The following HIBCH variants were observed in gnomAD, a reference collection of about 807,000 sequenced individuals.
HIBCH encodes 3-hydroxyisobutyryl-CoA hydrolase, also known as 3-hydroxyisobutyryl-CoA hydrolase, mitochondrial.
A neutral mutation model predicts 58.2 loss-of-function variants in HIBCH; 50 were observed. The observed-to-expected ratio is 0.86, with a 90% CI of 0.68 to 1.09. HIBCH has a LOEUF of 1.09. Ranked by LOEUF, HIBCH falls within the 50% of genes least tolerant of loss-of-function variation. The probability of loss-of-function intolerance (pLI) is 0.00; values close to 1 mark genes in which losing one functional copy is unlikely to be tolerated. For missense variants in HIBCH, 450 were observed against 449.7 expected (o/e 1.00, Z -0.01); for synonymous variants, 151 against 146.9 (o/e 1.03, Z -0.20).
At chr2:190,248,378 C>A (rs915215655) in intron 9 of HIBCH, among the ~76,000 whole-genome samples, 7 of 151,928 alleles carry the variant, frequency 4.6e-5, no homozygotes, top group African/African-American at 9.7e-5. Context: ...GGGTGGGATG[C>A]AGCGGTTCTG....
chr2:190,227,708 G>GA (rs779052031), intron 11 of HIBCH, among the ~76,000 whole-genome samples: 8 of 151,620 alleles, frequency 5.3e-5, no homozygotes, highest in East Asian at 1.9e-4. Flanking sequence ...AAATTTACAA[G>GA]AAAAAAAATC....
intron 2 of HIBCH, among the ~76,000 whole-genome samples, chr2:190,299,051 C>T (rs1205526884): frequency 6.6e-6 from 1 of 152,052 alleles, no homozygotes; most frequent in Admixed American, 6.6e-5. Flanking sequence ...GATGGCACCA[C>T]CATTCTTAAC....
In HIBCH at chr2:190,256,257, T is replaced by C. The variant is rs142083667; in HGVS notation, c.518-3950A>G. ...TCACTACATGAGACTAAGGAAAGAA[T>C]CACAGAAAATGATTATAGAGAACAG... is the stretch of plus-strand genomic sequence containing the variant. On this transcript the variant is annotated intron_variant, in intron 7 of 13. Transcript: ENST00000359678. Among the ~76,000 whole-genome samples, 621 of 151,940 alleles carry C rather than the reference T, an allele frequency of 4.1e-3. 2 individuals carry two copies. The highest frequency in any genetic ancestry group is 0.014 in the African/African-American group (573 of 41,410).
chr2:190,319,465 T>C (rs1030623356), intron 1 of HIBCH, among the ~76,000 whole-genome samples: 1 of 151,010 alleles, frequency 6.6e-6, no homozygotes, highest in African/African-American at 2.4e-5. Context: ...TAAAGTCGTG[T>C]GGGGACAAGC....
rs1418887841 is a variant in HIBCH, at chr2:190,197,488, C to CTGCCTCTCT, written c.*18-7500_*18-7492dup. Among the ~76,000 whole-genome samples the CTGCCTCTCT allele has an allele frequency of 6.6e-5, 10 of 152,236 alleles. No homozygotes were observed. Among genetic ancestry groups the CTGCCTCTCT allele is most frequent in the Non-Finnish European group, 1.5e-4 (10 of 68,046 alleles). Reference sequence around the variant, plus strand: ...CCCTTGCCAAGTCTCATGCAGATTTCTGCCTCTCTTCCCAATCTTGAACTC... The same window carrying CTGCCTCTCT: ...CCCTTGCCAAGTCTCATGCAGATTTCTGCCTCTCTTGCCTCTCTTCCCAATCTTGAACTC... On this transcript the variant is annotated intron_variant, in intron 1 of 1. Transcript: ENST00000399855. The surrounding 1 kb of genome is among the most constrained non-coding windows in gnomAD (Gnocchi z 4.0).
intron 6 of HIBCH, among the ~76,000 whole-genome samples, chr2:190,275,927 T>C (rs906795667): frequency 6.6e-6 from 1 of 152,216 alleles, no homozygotes; most frequent in Non-Finnish European, 1.5e-5. Context: ...GCCAAAACCA[T>C]TGCATCCAGA....
At chr2:190,313,012 T>C (rs1363691457) in intron 1 of HIBCH, among the ~76,000 whole-genome samples, 4 of 152,238 alleles carry the variant, frequency 2.6e-5, no homozygotes, top group Non-Finnish European at 5.9e-5. Flanking sequence ...GGCAGGAGAA[T>C]AGCTTAAACC....
rs917499294 is a variant in HIBCH at position 190,279,258 on chromosome 2, G to A, written c.438+8328C>T. On this transcript the variant is annotated intron_variant, in intron 6 of 13. Transcript: ENST00000359678. This position sits in a 1 kb window ranked among gnomAD's most constrained non-coding sequence, Gnocchi z 4.2. The stretch of plus-strand genomic sequence containing the variant: ...CTCATGACCCCATCACCTCTTGAAG[G>A]CCTCACTTCTTAATACTGTTACATT... Among the ~76,000 whole-genome samples, 3 of 152,052 alleles carry A rather than the reference G, an allele frequency of 2.0e-5. No homozygotes were observed. The highest frequency in any genetic ancestry group is 7.2e-5 in the African/African-American group (3 of 41,394).
Position 190,294,632 on chromosome 2 carries a change from T to A in HIBCH, c.220-2A>T. 6.3e-7 allele frequency: 1 copy of A among 1,597,620 alleles called. No homozygotes were observed. ...AGTTTCAGGATCTTGTTCCCACTTC[T>A]ATTCAAATGTAACAGAAGATGGTAT... On this transcript the variant is annotated splice_acceptor_variant, in intron 3 of 13. Coordinates refer to ENST00000359678, the MANE Select transcript of HIBCH (RefSeq NM_014362.4). LOFTEE classifies it high-confidence loss of function.
chr2:190,301,098 T>A (rs1158857885), intron 2 of HIBCH, among the ~76,000 whole-genome samples: 1 of 152,210 alleles, frequency 6.6e-6, no homozygotes, highest in East Asian at 1.9e-4. Flanking sequence ...TAGTTAACAT[T>A]TCCCACTCTC....
rs549069061 is a variant in HIBCH, at chr2:190,290,585, G to A, written c.305-100C>T. 8.1e-4 allele frequency: 642 copies of A among 790,724 alleles called. 13 individuals are homozygous for A. The South Asian group carries it at 9.4e-3, about 12-fold the overall frequency. 49.0% of individuals were successfully genotyped at this position (790,724 alleles called of 1,614,324 possible). ...GAAAATTAAATACTGGGGGAAGGGA[G>A]TACTCTAAAATGACTTGTTAAAAGT... On this transcript the variant is annotated intron_variant, in intron 4 of 13. Transcript: ENST00000359678.
At chr2:190,265,705 T>C (rs1687214011) in intron 6 of HIBCH, among the ~76,000 whole-genome samples, 2 of 152,216 alleles carry the variant, frequency 1.3e-5, no homozygotes, top group African/African-American at 4.8e-5. Flanking sequence ...ATTTTCTTCA[T>C]AAAAAGGTTT....
At chr2:190,226,098 C>T (rs115544331) in intron 11 of HIBCH, among the ~76,000 whole-genome samples, 2,322 of 152,204 alleles carry the variant, frequency 0.015, 63 homozygotes, top group African/African-American at 0.051. Flanking sequence ...GGTATTGATG[C>T]GACGTATCTC....
chr2:190,295,487 G>C (rs988821114), intron 3 of HIBCH, among the ~76,000 whole-genome samples: 6 of 152,144 alleles, frequency 3.9e-5, no homozygotes, highest in Admixed American at 6.5e-5. Flanking sequence ...CATGAGGCCA[G>C]GTGTGGAATT....
At position 190,217,878 on chromosome 2, in the gene HIBCH, G is replaced by T. The variant is rs1685604887; in HGVS notation, c.892-4803C>A. On this transcript the variant is annotated intron_variant, in intron 11 of 13. Coordinates refer to ENST00000359678, the MANE Select transcript of HIBCH (RefSeq NM_014362.4). This position sits in a 1 kb window ranked among gnomAD's most constrained non-coding sequence, Gnocchi z 4.6. ...AAAGGGAAAAGAGTGAATAGGGAAT[G>T]TATAAATCACCTAAGAAACCCTTAA... Among the ~76,000 whole-genome samples the T allele has an allele frequency of 6.6e-6, 1 of 152,164 alleles. No homozygotes were observed. Among genetic ancestry groups the T allele is most frequent in the Non-Finnish European group, 1.5e-5 (1 of 68,026 alleles).
chr2:190,278,204 G>T (rs941681822), intron 6 of HIBCH, among the ~76,000 whole-genome samples: 1 of 151,902 alleles, frequency 6.6e-6, no homozygotes, highest in Non-Finnish European at 1.5e-5. Context: ...GGCAGGGAAA[G>T]AATCTGCTTT....
At chr2:190,248,876 A>C (rs575022319) in intron 9 of HIBCH, among the ~76,000 whole-genome samples, 2 of 151,842 alleles carry the variant, frequency 1.3e-5, no homozygotes, top group South Asian at 2.1e-4. Flanking sequence ...AAAAAAAAAA[A>C]ACAAAAAAAA....
In HIBCH at chr2:190,296,905, T is replaced by C. The variant is rs1688119672; in HGVS notation, c.127A>G (p.Lys43Glu). 1.9e-6 allele frequency: 3 copies of C among 1,613,964 alleles called. No homozygotes were observed. The highest frequency in any genetic ancestry group is 2.5e-6 in the Non-Finnish European group (3 of 1,179,964). Residue 43 changes from lysine to glutamate, a missense_variant, in exon 3 of 14, where the codon AAA becomes GAA. Transcript: ENST00000359678. ...AGTGTTATGACTCCCGTGCAACCTT[T>C]TTTTTCCAATAGCACCTCTTCTGCT... is the stretch of plus-strand genomic sequence containing the variant. ...DAAEEVLLEKKGCTGVITLNR... is the reference protein window; with the variant it reads ...DAAEEVLLEKEGCTGVITLNR...
At chr2:190,256,331 G>A (rs1261636118) in intron 7 of HIBCH, among the ~76,000 whole-genome samples, 1 of 151,626 alleles carries the variant, frequency 6.6e-6, no homozygotes, top group Non-Finnish European at 1.5e-5. Flanking sequence ...CCACCATCTG[G>A]ACTAGAAAAA....
Sources: gnomAD v4.1 joint callset for allele counts (sites outside exome capture counted in the v4.1 genomes callset) on GRCh38, gnomAD v4.1.1 for gene constraint, Gnocchi (gnomAD v3.1) non-coding constraint, MANE v1.5 for transcripts, NCBI Gene and HGNC (gene_info 2026-07-23, HGNC 2026-07-21) for gene names.